The following FABP12 variants were observed in gnomAD, a reference collection of about 807,000 sequenced individuals.
The protein encoded by FABP12 is fatty acid binding protein 12, also known as fatty acid-binding protein 12.
FABP12 carries 19 observed loss-of-function variants against 13.7 expected under a neutral mutation model. The observed-to-expected ratio is 1.39, with a 90% CI of 0.97 to 2.04. The LOEUF (loss-of-function observed/expected upper bound fraction) is 2.04, where lower values mean the gene tolerates loss of function less well. Among genes scored for constraint, FABP12 ranks in the 30% most tolerant of loss-of-function variants. The probability of loss-of-function intolerance (pLI) is 0.00; values close to 1 mark genes in which losing one functional copy is unlikely to be tolerated. For synonymous variants in FABP12, 61 were observed against 57.0 expected (o/e 1.07, Z -0.32); for missense variants, 182 against 164.2 (o/e 1.11, Z -0.59).
chr8:81,538,511 G>C (rs934598541), upstream of FABP12, among the ~76,000 whole-genome samples: 1 of 152,180 alleles, frequency 6.6e-6, no homozygotes, highest in African/African-American at 2.4e-5. Context: ...AGAGAAAGGA[G>C]AGGGAGATTT....
chr8:81,534,451 A>C (rs1372013805), upstream of FABP12, among the ~76,000 whole-genome samples: 1 of 152,096 alleles, frequency 6.6e-6, no homozygotes, highest in Non-Finnish European at 1.5e-5. Flanking sequence ...GTCAAGCTGG[A>C]CCCCTAAAAA....
chr8:81,543,306 A>G (rs969442476), intron 1 of FABP12, among the ~76,000 whole-genome samples: 3 of 152,202 alleles, frequency 2.0e-5, no homozygotes, highest in African/African-American at 7.2e-5. Flanking sequence ...AAACAATTGC[A>G]TATGATGATT....
At chr8:81,526,774 T>A (rs1322219561) in intron 4 of FABP12, among the ~76,000 whole-genome samples, 2 of 152,204 alleles carry the variant, frequency 1.3e-5, no homozygotes, top group African/African-American at 4.8e-5. Flanking sequence ...ATGCTTGCTT[T>A]GTTTTACCTG....
intron 1 of FABP12, among the ~76,000 whole-genome samples, chr8:81,551,520 A>C (rs938167447): frequency 2.6e-5 from 4 of 152,182 alleles, no homozygotes; most frequent in Admixed American, 6.5e-5. Context: ...AAAAAGACTT[A>C]AGGCAGGGAA....
rs1004577537 is a variant in FABP12 at position 81,576,687 on chromosome 8, G to A, written c.-185+13366C>T. Reference sequence around the variant, plus strand: ...ATTCAGTTAAATGGATATGCTGTTAGTATAGCCTAGGGTATGTTCCAGTGA... The same window carrying A: ...ATTCAGTTAAATGGATATGCTGTTAATATAGCCTAGGGTATGTTCCAGTGA... On this transcript the variant is annotated intron_variant, in intron 1 of 5. Coordinates refer to the FABP12 transcript ENST00000692030. 2.6e-5 allele frequency among the ~76,000 whole-genome samples: 4 copies of A among 152,128 alleles called. No homozygotes were observed. In the East Asian group the frequency reaches 7.7e-4, roughly 29 times the overall value.
chr8:81,552,408 A>T (rs1809536180), intron 1 of FABP12, among the ~76,000 whole-genome samples: 1 of 152,122 alleles, frequency 6.6e-6, no homozygotes. Flanking sequence ...AAGAGATTAA[A>T]TGGTACCCTA....
upstream of FABP12, among the ~76,000 whole-genome samples, chr8:81,536,421 CAT>C (rs1264339915): frequency 1.3e-5 from 2 of 152,162 alleles, no homozygotes; most frequent in Non-Finnish European, 2.9e-5. Context: ...AGTCTTTTGT[CAT>C]ATTAAACTTG....
chr8:81,577,846 A>G (rs935336359), intron 1 of FABP12, among the ~76,000 whole-genome samples: 1 of 152,252 alleles, frequency 6.6e-6, no homozygotes, highest in Non-Finnish European at 1.5e-5. Flanking sequence ...GGGAACAAGA[A>G]TAGCTACAAT....
chr8:81,531,106 G>A (rs1369458217), intron 2 of FABP12, 137 bp downstream of exon 2: 1 of 661,458 alleles, frequency 1.5e-6, no homozygotes, highest in African/African-American at 1.8e-5. Flanking sequence ...CTATATCCTG[G>A]TACTCAATCA....
At chr8:81,550,466 T>C (rs10106526) in intron 1 of FABP12, among the ~76,000 whole-genome samples, 17,016 of 152,178 alleles carry the variant, frequency 0.11, 1,136 homozygotes, top group East Asian at 0.26. Context: ...CCAGGAGACA[T>C]GTGATGTGAA....
intron 1 of FABP12, among the ~76,000 whole-genome samples, chr8:81,588,735 T>C (rs145475925): frequency 0.011 from 1,631 of 152,288 alleles, 7 homozygotes; most frequent in Non-Finnish European, 0.018. Flanking sequence ...TTAAATCTTA[T>C]AGGAAAGGTC....
At chr8:81,526,984 A>T (rs780619714) in intron 4 of FABP12, 36 bp downstream of exon 4, 2 of 1,194,768 alleles carry the variant, frequency 1.7e-6, no homozygotes. Context: ...TAGTCGTTGC[A>T]GAAGGTGGGA....
At chr8:81,571,113 T>C (rs1809924810) in intron 1 of FABP12, among the ~76,000 whole-genome samples, 1 of 152,096 alleles carries the variant, frequency 6.6e-6, no homozygotes, top group South Asian at 2.1e-4. Context: ...GAGGCCAAAG[T>C]GGCAGAGCCC....
At position 81,578,072 on chromosome 8, in the gene FABP12, G is replaced by A. The variant is rs1810084385; in HGVS notation, c.-185+11981C>T. Among the ~76,000 whole-genome samples, 3 of 152,260 alleles carry A rather than the reference G, an allele frequency of 2.0e-5. No individual in the cohort carries two copies. In the South Asian group the frequency reaches 6.2e-4, roughly 32 times the overall value. On this transcript the variant is annotated intron_variant, in intron 1 of 5. Transcript: ENST00000692030. ...ACTATATTAGTTTGGGAAGCATCAG[G>A]TTAAACACCAGTGAACTTTTTAACC...
At chr8:81,527,062 T>G (rs1808921440) in exon 4 of FABP12, 2 of 1,612,228 alleles carry the variant, frequency 1.2e-6, no homozygotes, top group East Asian at 4.5e-5. Context: ...TTATGGTGGT[T>G]TCTTTGCCAT....
chr8:81,541,742 C>T (rs781728738), intron 1 of FABP12, among the ~76,000 whole-genome samples: 8 of 151,948 alleles, frequency 5.3e-5, no homozygotes, highest in Non-Finnish European at 7.4e-5. Flanking sequence ...GTCTCCCATG[C>T]TGACGATACT....
chr8:81,558,768 T>G (rs1314967234), intron 1 of FABP12, among the ~76,000 whole-genome samples: 1 of 151,070 alleles, frequency 6.6e-6, no homozygotes, highest in African/African-American at 2.4e-5. Context: ...CACACGCCTG[T>G]AATCCCAGCT....
At chr8:81,545,347 T>TG (rs1809420149) in intron 1 of FABP12, among the ~76,000 whole-genome samples, 2 of 152,174 alleles carry the variant, frequency 1.3e-5, no homozygotes, top group African/African-American at 4.8e-5. Flanking sequence ...GAGAGGGACA[T>TG]GATTGGACTT....
At chr8:81,550,655 A>G (rs1809510567) in intron 1 of FABP12, among the ~76,000 whole-genome samples, 2 of 152,184 alleles carry the variant, frequency 1.3e-5, no homozygotes, top group South Asian at 4.1e-4. Flanking sequence ...TTTTTTAAAA[A>G]TCACACAAAT....
Sources: allele counts gnomAD v4.1 joint callset (sites outside exome capture counted in the v4.1 genomes callset), GRCh38; gene constraint gnomAD v4.1.1; transcripts MANE v1.5; gene names NCBI Gene and HGNC (gene_info 2026-07-23, HGNC 2026-07-21).